Variants in SYNE2 observed in about 807,000 individuals in gnomAD.
SYNE2 encodes the protein spectrin repeat containing nuclear envelope protein 2, also known as nesprin-2.
In SYNE2, 431 loss-of-function variants were observed where a neutral mutation model predicts 856.3. That is an observed-to-expected ratio of 0.50 (90% CI 0.47 to 0.55). The LOEUF is 0.55. Ranked by LOEUF, SYNE2 falls within the 20% of genes least tolerant of loss-of-function variation. The probability of loss-of-function intolerance (pLI) is 0.00; values close to 1 mark genes in which losing one functional copy is unlikely to be tolerated. For missense variants in SYNE2, 8,129 were observed against 8,023.2 expected (o/e 1.01, Z -0.50); for synonymous variants, 2,923 against 2,872.3 (o/e 1.02, Z -0.56).
Position 64,214,235 on chromosome 14 carries a change from C to G in SYNE2, c.19098C>G (p.Asp6366Glu). The change falls in exon 106 of 116, where the codon GAC becomes GAG. Residue 6366 changes from aspartate to glutamate, a missense_variant. Around this residue, in one of 3 missense-constraint regions of SYNE2, gnomAD observed 5,410 missense variants for 5,284.8 expected, o/e 1.02. Transcript: ENST00000555002. Reference sequence around the variant, plus strand: ...AGGAGGCCTCTGAGAATGAAACAGACATGGAAGACCCCAGAGAAATCCAGA... The same window carrying G: ...AGGAGGCCTCTGAGAATGAAACAGAGATGGAAGACCCCAGAGAAATCCAGA... ...DEKEASENET[D>E]MEDPREIQTD... is the part of the protein sequence containing the mutation. 6.2e-7 allele frequency: 1 copy of G among 1,614,112 alleles called. No homozygotes were observed. The highest frequency in any genetic ancestry group is 8.5e-7 in the Non-Finnish European group (1 of 1,180,016).
In SYNE2 at chr14:64,070,838, C is replaced by T. The variant is rs2097400112; in HGVS notation, c.10625C>T (p.Pro3542Leu). The change falls in exon 52 of 116, where the codon CCT (proline) becomes CTT (leucine). Residue 3542 changes from proline to leucine, a missense_variant. Physicochemically the swap from Pro to Leu is moderately conservative, Grantham distance 98. Coordinates refer to ENST00000555002, the MANE Select transcript of SYNE2 (RefSeq NM_182914.3). ...CGCATCAGAAGTATCCAGAATGTTC[C>T]TGAAAGCTCAGGGGCTGTGGAAACT... ...LQRIRSIQNVPESSGAVETVP... is the reference protein window; with the variant it reads ...LQRIRSIQNVLESSGAVETVP... 1 of 1,614,204 alleles carries T rather than the reference C, an allele frequency of 6.2e-7. No individual in the cohort carries two copies. The highest frequency in any genetic ancestry group is 8.5e-7 in the Non-Finnish European group (1 of 1,180,030).
intron 61 of SYNE2, chr14:64,094,902 T>C: frequency 6.0e-6 from 1 of 167,526 alleles, no homozygotes. Context: ...TTTTTAGAGA[T>C]GAGGTCTCAC....
chr14:63,904,288 T>A (rs1182945316), intron 1 of SYNE2, among the ~76,000 whole-genome samples: 2 of 152,190 alleles, frequency 1.3e-5, no homozygotes, highest in Non-Finnish European at 1.5e-5. Flanking sequence ...AACTTATGAG[T>A]GCATGTGTCT....
chr14:63,822,402 C>T (rs1889255910), intron 1 of SYNE2, among the ~76,000 whole-genome samples: 1 of 152,122 alleles, frequency 6.6e-6, no homozygotes, highest in South Asian at 2.1e-4. Context: ...TTCCCAAGGC[C>T]TGTCTTTATT....
At chr14:63,794,352 G>A (rs912929337) in intron 1 of SYNE2, among the ~76,000 whole-genome samples, 2 of 152,058 alleles carry the variant, frequency 1.3e-5, no homozygotes, top group Non-Finnish European at 2.9e-5. Flanking sequence ...ACCATGCGTG[G>A]CTAATTTTTA....
chr14:64,139,911 C>G, intron 79 of SYNE2, 30 bp from the exon 80 acceptor site: 7 of 1,613,314 alleles, frequency 4.3e-6, no homozygotes, highest in Non-Finnish European at 5.9e-6. Context: ...TGTTTCTAAT[C>G]TGCCTTCTCT....
intron 77 of SYNE2, among the ~76,000 whole-genome samples, chr14:64,132,928 C>T (rs1408461392): frequency 6.6e-6 from 1 of 152,104 alleles, no homozygotes; most frequent in Non-Finnish European, 1.5e-5. Flanking sequence ...GGAGGCCGGG[C>T]GCAGTGGCTC....
At chr14:63,873,626 G>A (rs112697414) in intron 1 of SYNE2, 6,870 of 152,336 alleles carry the variant, frequency 0.045, 180 homozygotes, top group South Asian at 0.11. Context: ...TCCTGACCTC[G>A]TGATCCACCT....
Position 64,080,339 on chromosome 14 carries a change from G to A in SYNE2, c.11164-117G>A, listed in dbSNP as rs879939954. 30 of 1,053,448 alleles carry A rather than the reference G, an allele frequency of 2.8e-5. No homozygotes were observed. In the Admixed American group the frequency reaches 5.0e-4, roughly 17 times the overall value. 65.3% of individuals were successfully genotyped at this position (1,053,448 alleles called of 1,614,324 possible). On this transcript the variant is annotated intron_variant, in intron 55 of 115. Transcript: ENST00000555002. ...ATAAATTAACAACTGTTCATGTGAT[G>A]TTGTTTCTGTGATGTTTTAGTAGCA... is the stretch of plus-strand genomic sequence containing the variant.
At chr14:64,174,737 A>C (rs1389449454) in intron 94 of SYNE2, among the ~76,000 whole-genome samples, 1 of 152,204 alleles carries the variant, frequency 6.6e-6, no homozygotes, top group Non-Finnish European at 1.5e-5. Flanking sequence ...TTATTTTAAG[A>C]ACACCTCACT....
At chr14:63,861,659 TGTCTATA>T (rs1893768130) in intron 1 of SYNE2, among the ~76,000 whole-genome samples, 1 of 151,192 alleles carries the variant, frequency 6.6e-6, no homozygotes, top group Non-Finnish European at 1.5e-5. Flanking sequence ...TGGTGGTGCA[TGTCTATA>T]GTCCCAGGTA....
intron 53 of SYNE2, chr14:64,075,483 G>A (rs1382199183): frequency 5.1e-6 from 1 of 197,866 alleles, no homozygotes; most frequent in Non-Finnish European, 1.0e-5. Context: ...CATGAAAGTA[G>A]ACACTTCTGC....
At chr14:63,853,803 C>T (rs533642037) in intron 1 of SYNE2, among the ~76,000 whole-genome samples, 2 of 152,200 alleles carry the variant, frequency 1.3e-5, no homozygotes, top group South Asian at 2.1e-4. Flanking sequence ...GGCGCTCCGA[C>T]GGCCGGGATT....
rs2095619916 is a variant in SYNE2 at position 63,923,057 on chromosome 14, G to A, written c.79+13830G>A. Among the ~76,000 whole-genome samples the A allele has an allele frequency of 2.6e-5, 4 of 152,190 alleles. No individual in the cohort carries two copies. In the South Asian group the frequency reaches 8.3e-4, roughly 32 times the overall value. ...TTCAGTTTTATGTGGTAGTTAAAAG[G>A]TAGCAAGGAGTAACAAATATGTGTT... On this transcript the variant is annotated intron_variant, in intron 2 of 115. Coordinates refer to ENST00000555002, the MANE Select transcript of SYNE2 (RefSeq NM_182914.3).
At chr14:64,176,369 G>A (rs963331564) in intron 95 of SYNE2, among the ~76,000 whole-genome samples, 11 of 152,134 alleles carry the variant, frequency 7.2e-5, no homozygotes, top group African/African-American at 2.7e-4. Context: ...GATAATACTT[G>A]TTTTAAATAT....
At chr14:64,079,014 A>G (rs956914254) in intron 55 of SYNE2, among the ~76,000 whole-genome samples, 2 of 152,136 alleles carry the variant, frequency 1.3e-5, no homozygotes, top group Non-Finnish European at 2.9e-5. Flanking sequence ...GGAGGTTGCA[A>G]TGAGCCGAGA....
In SYNE2 at chr14:64,070,922, GA is replaced by G; in HGVS notation, c.10697+17del. On this transcript the variant is annotated intron_variant, in intron 52 of 115. Transcript: ENST00000555002. ...GAACGATGCAACAAGTAAGATTTATGAAAAACTATTAAGGACGTGTGCTTGA... is the reference window on the plus strand; with the variant it reads ...GAACGATGCAACAAGTAAGATTTATGAAAACTATTAAGGACGTGTGCTTGA... 6.2e-7 allele frequency: 1 copy of G among 1,613,950 alleles called. No homozygotes were observed. The highest frequency in any genetic ancestry group is 8.5e-7 in the Non-Finnish European group (1 of 1,179,896).
At chr14:64,085,779 A>G (rs2097557023) in intron 57 of SYNE2, among the ~76,000 whole-genome samples, 1 of 152,106 alleles carries the variant, frequency 6.6e-6, no homozygotes, top group Non-Finnish European at 1.5e-5. Context: ...TTGAGCATTT[A>G]TTTATGTCTT....
chr14:63,909,278 C>T (rs1019488586), intron 2 of SYNE2, 51 bp downstream of exon 2: 2 of 1,255,068 alleles, frequency 1.6e-6, no homozygotes, highest in Admixed American at 1.7e-5. Context: ...GGAAACCTTA[C>T]TTTTATCTAG....
Sources: gnomAD v4.1 joint callset for allele counts (sites outside exome capture counted in the v4.1 genomes callset) on GRCh38, gnomAD v4.1.1 for gene constraint, gnomAD v4.1.1 regional missense constraint, MANE v1.5 for transcripts, NCBI Gene and HGNC (gene_info 2026-07-23, HGNC 2026-07-21) for gene names.